The following ANKS1B variants were observed in gnomAD, a reference collection of about 807,000 sequenced individuals.
ANKS1B encodes ankyrin repeat and sterile alpha motif domain-containing protein 1B.
Under a neutral mutation model 148.3 loss-of-function variants are expected in ANKS1B, and 36 were observed. That is an observed-to-expected ratio of 0.24 (90% CI 0.19 to 0.32). The LOEUF (loss-of-function observed/expected upper bound fraction) is 0.32. Ranked by LOEUF, ANKS1B falls within the 10% of genes least tolerant of loss-of-function variation. ANKS1B has a pLI of 1.00. For missense variants in ANKS1B, 1,157 were observed against 1,542.6 expected (o/e 0.75, Z 4.19); for synonymous variants, 542 against 560.8 (o/e 0.97, Z 0.47).
At chr12:99,356,850 A>C (rs1055789495) in intron 12 of ANKS1B, among the ~76,000 whole-genome samples, 1 of 152,188 alleles carries the variant, frequency 6.6e-6, no homozygotes, top group African/African-American at 2.4e-5. Flanking sequence ...GAAATACTAA[A>C]AAATTATAAC....
chr12:99,439,313 A>T (rs2095511504), intron 11 of ANKS1B, among the ~76,000 whole-genome samples: 1 of 151,736 alleles, frequency 6.6e-6, no homozygotes, highest in African/African-American at 2.4e-5. Context: ...CTGACATAAA[A>T]ATTAAAATAT....
chr12:99,648,703 G>C (rs1251886686), intron 9 of ANKS1B: 1 of 1,614,156 alleles, frequency 6.2e-7, no homozygotes, highest in Non-Finnish European at 8.5e-7. Flanking sequence ...GAGACCACCA[G>C]TGGAGGCTTA....
At chr12:99,935,691 G>A (rs1334372468) in intron 1 of ANKS1B, among the ~76,000 whole-genome samples, 5 of 152,042 alleles carry the variant, frequency 3.3e-5, no homozygotes, top group Admixed American at 3.3e-4. Context: ...CCCAAGATTT[G>A]AATCTTTCTA....
intron 1 of ANKS1B, among the ~76,000 whole-genome samples, chr12:99,883,347 A>G (rs1024254613): frequency 6.6e-6 from 1 of 152,082 alleles, no homozygotes; most frequent in African/African-American, 2.4e-5. Context: ...AAAAACAAAC[A>G]AACAAAAAAA....
intron 9 of ANKS1B, among the ~76,000 whole-genome samples, chr12:99,564,474 TA>T (rs1340280312): frequency 6.6e-6 from 1 of 151,932 alleles, no homozygotes; most frequent in Non-Finnish European, 1.5e-5. Flanking sequence ...TGTACATATT[TA>T]GAGAAAAAAT....
chr12:99,713,899 C>T (rs2056960164), intron 8 of ANKS1B, among the ~76,000 whole-genome samples: 1 of 152,182 alleles, frequency 6.6e-6, no homozygotes, highest in African/African-American at 2.4e-5. Context: ...CGCATAACCT[C>T]ACTTCCAAAT....
chr12:99,829,920 C>T (rs912548576), intron 1 of ANKS1B, among the ~76,000 whole-genome samples: 1 of 152,076 alleles, frequency 6.6e-6, no homozygotes, highest in Non-Finnish European at 1.5e-5. Flanking sequence ...GAAGTGAGTC[C>T]GATACGGTCT....
chr12:98,745,630 C>A lies in ANKS1B; in HGVS notation c.*109G>T. 1 of 1,499,680 alleles carries A rather than the reference C, an allele frequency of 6.7e-7. No homozygotes were observed. The highest frequency in any genetic ancestry group is 1.4e-5 in the African/African-American group (1 of 70,918). The allele number at this position is 1,499,680 out of a possible 1,614,324, so 92.9% of individuals were successfully genotyped here. A position where few individuals can be genotyped will look rare whatever the true frequency, so the allele number is the denominator to read the frequency against. On this transcript the variant is annotated 3_prime_UTR_variant, in exon 27 of 27. Transcript: ENST00000683438. The stretch of plus-strand genomic sequence containing the variant: ...CTTTCGCCCGTAACAAGGCCGCACG[C>A]TCAGAGCAGTCTTCCTCCTGGGCTG...
intron 15 of ANKS1B, chr12:99,099,819 C>A (rs961815122): frequency 6.6e-6 from 1 of 152,062 alleles, no homozygotes; most frequent in Admixed American, 6.5e-5. Flanking sequence ...ACAAAAAACA[C>A]CATGACAAGT....
intron 23 of ANKS1B, chr12:98,781,427 C>T (rs2098735120): frequency 8.0e-6 from 5 of 623,952 alleles, no homozygotes; most frequent in Admixed American, 6.3e-5. Flanking sequence ...ATAAAGTTAT[C>T]CGTCTTGCCC....
chr12:99,099,048 GTCTC>G (rs1250667386), intron 15 of ANKS1B, among the ~76,000 whole-genome samples: 3 of 151,952 alleles, frequency 2.0e-5, no homozygotes, highest in African/African-American at 7.3e-5. Flanking sequence ...CTCTTCATTG[GTCTC>G]TCTATCTTTA....
chr12:99,842,508 C>G (rs1418966423), intron 1 of ANKS1B, among the ~76,000 whole-genome samples: 1 of 152,120 alleles, frequency 6.6e-6, no homozygotes, highest in Non-Finnish European at 1.5e-5. Context: ...CCCTTGAGAT[C>G]TTATCAGATT....
At chr12:99,016,995 A>G (rs2099942972) in intron 17 of ANKS1B, among the ~76,000 whole-genome samples, 1 of 152,158 alleles carries the variant, frequency 6.6e-6, no homozygotes, top group Non-Finnish European at 1.5e-5. Context: ...GCTTTTAGTT[A>G]GAGAGTTGAA....
At chr12:99,470,233 A>G (rs1046558924) in intron 10 of ANKS1B, among the ~76,000 whole-genome samples, 1 of 152,104 alleles carries the variant, frequency 6.6e-6, no homozygotes, top group Non-Finnish European at 1.5e-5. Flanking sequence ...TCTTATTTTC[A>G]TTATGGTATA....
rs536414144 is a variant in ANKS1B at position 99,911,134 on chromosome 12, A to G, written c.134+72970T>C. Among the ~76,000 whole-genome samples, 145 of 152,328 alleles carry G rather than the reference A, an allele frequency of 9.5e-4. 3 individuals carry two copies. The highest frequency in any genetic ancestry group is 6.6e-3 in the South Asian group (32 of 4,830). On this transcript the variant is annotated intron_variant, in intron 1 of 26. Transcript: ENST00000683438. ...TGAAATAAATCATTCTCGGTTTTAC[A>G]GCTAGTAGTTGGCAGAGCAATGATT...
intron 10 of ANKS1B, among the ~76,000 whole-genome samples, chr12:99,492,198 A>C (rs1461862337): frequency 6.6e-6 from 1 of 152,166 alleles, no homozygotes; most frequent in South Asian, 2.1e-4. Flanking sequence ...AAATAAACAC[A>C]ATCAGACATG....
chr12:99,704,260 T>A (rs1298178848), intron 8 of ANKS1B, among the ~76,000 whole-genome samples: 1 of 152,030 alleles, frequency 6.6e-6, no homozygotes, highest in African/African-American at 2.4e-5. Flanking sequence ...GCTTCCTCTC[T>A]CCACAGGCAG....
intron 1 of ANKS1B, among the ~76,000 whole-genome samples, chr12:99,934,669 AG>A (rs1427433258): frequency 1.3e-5 from 2 of 152,128 alleles, no homozygotes; most frequent in African/African-American, 4.8e-5. Flanking sequence ...GTCTGGCTAA[AG>A]GTTTCCCAAT....
chr12:99,099,018 G>A (rs1462401659), intron 15 of ANKS1B, among the ~76,000 whole-genome samples: 3 of 152,110 alleles, frequency 2.0e-5, no homozygotes, highest in Admixed American at 2.0e-4. Flanking sequence ...GCATCTCCAG[G>A]ATGGGTTCTG....
Sources: allele counts gnomAD v4.1 joint callset (sites outside exome capture counted in the v4.1 genomes callset), GRCh38; gene constraint gnomAD v4.1.1; transcripts MANE v1.5; gene names NCBI Gene and HGNC (gene_info 2026-07-23, HGNC 2026-07-21).